Variants in CHCHD6 observed in about 807,000 individuals in gnomAD.
The protein encoded by CHCHD6 is coiled-coil-helix-coiled-coil-helix domain containing 6.
In CHCHD6, 28 loss-of-function variants were observed where a neutral mutation model predicts 32.3. The observed-to-expected ratio is 0.87, with a 90% CI of 0.64 to 1.19. The LOEUF is 1.19. Among genes scored for constraint, CHCHD6 ranks in the 50% most tolerant of loss-of-function variants. The pLI is 0.00. For synonymous variants in CHCHD6, 122 were observed against 117.5 expected (o/e 1.04, Z -0.25); for missense variants, 333 against 307.0 (o/e 1.08, Z -0.63).
chr3:126,953,778 G>A (rs1209690019), intron 6 of CHCHD6, among the ~76,000 whole-genome samples: 1 of 152,156 alleles, frequency 6.6e-6, no homozygotes, highest in Non-Finnish European at 1.5e-5. Flanking sequence ...ATTCTCCAAG[G>A]AAATGTCCTT....
intron 4 of CHCHD6, among the ~76,000 whole-genome samples, chr3:126,734,986 G>T (rs1935978227): frequency 6.6e-6 from 1 of 152,220 alleles, no homozygotes; most frequent in South Asian, 2.1e-4. Context: ...ATCCTGGTGA[G>T]GAATCGGTTG....
intron 6 of CHCHD6, among the ~76,000 whole-genome samples, chr3:126,922,696 T>G (rs2078269487): frequency 6.6e-6 from 1 of 151,484 alleles, no homozygotes; most frequent in Non-Finnish European, 1.5e-5. Flanking sequence ...TATGCAGGCA[T>G]TGACTCCCGT....
rs188335469 is a variant in CHCHD6, at chr3:126,805,607, G to A, written c.412-47040G>A. Among the ~76,000 whole-genome samples, 75 of 152,174 alleles carry A rather than the reference G, an allele frequency of 4.9e-4. 2 individuals carry two copies. The East Asian group carries it at 0.012, about 23-fold the overall frequency. On this transcript the variant is annotated intron_variant, in intron 4 of 7. Transcript: ENST00000290913. ...CTCATGGATAGGAAGAATCAATATCGTGAAAATGGCCATACTGCCCAAGGT... is the reference window on the plus strand; with the variant it reads ...CTCATGGATAGGAAGAATCAATATCATGAAAATGGCCATACTGCCCAAGGT...
intron 6 of CHCHD6, among the ~76,000 whole-genome samples, chr3:126,942,396 A>G (rs61505350): frequency 0.057 from 8,646 of 152,218 alleles, 777 homozygotes; most frequent in African/African-American, 0.19. Flanking sequence ...GTGATGATCT[A>G]TTTCCATCAT....
Position 126,763,297 on chromosome 3 carries a change from T to A in CHCHD6, c.411+30075T>A, listed in dbSNP as rs367682180. 3.8e-5 allele frequency among the ~76,000 whole-genome samples: 5 copies of A among 132,114 alleles called. No individual in the cohort carries two copies. In the South Asian group the frequency reaches 1.8e-3, roughly 49 times the overall value. 86.7% of individuals were successfully genotyped at this position (132,114 alleles called of 152,430 possible). ...CCTCCCTTTCCCTCTTCTCCCTTTT[T>A]CCCCCTCTTCTCCCCTTTTTCCCCC... On this transcript the variant is annotated intron_variant, in intron 4 of 7. Coordinates refer to ENST00000290913, the MANE Select transcript of CHCHD6 (RefSeq NM_032343.3).
At chr3:126,909,297 C>T (rs1172480105) in intron 5 of CHCHD6, among the ~76,000 whole-genome samples, 1 of 152,224 alleles carries the variant, frequency 6.6e-6, no homozygotes, top group Non-Finnish European at 1.5e-5. Context: ...TATGGGGGTT[C>T]CCCTCAGACC....
chr3:126,789,290 T>C (rs200439984), intron 4 of CHCHD6, among the ~76,000 whole-genome samples: 3,222 of 152,318 alleles, frequency 0.021, 96 homozygotes, highest in East Asian at 0.14. Context: ...GAGAAGAATG[T>C]ATATTCTGTT....
At chr3:126,863,441 C>T (rs1212630336) in intron 5 of CHCHD6, among the ~76,000 whole-genome samples, 7 of 142,546 alleles carry the variant, frequency 4.9e-5, no homozygotes, top group African/African-American at 1.8e-4. Flanking sequence ...TCCACCATCA[C>T]CTCCTCCTCC....
rs1175218869 is a variant in CHCHD6, at chr3:126,752,778, TCTC to T, written c.411+19563_411+19565del. ...AGGGCCCGCTTTTCTCTCACCCTGT[TCTC>T]CTCCTCATCCAGAAAGTTACTGATG... On this transcript the variant is annotated intron_variant, in intron 4 of 7. Transcript: ENST00000290913. Among the ~76,000 whole-genome samples, 4 of 152,238 alleles carry T rather than the reference TCTC, an allele frequency of 2.6e-5. No homozygotes were observed. In the East Asian group the frequency reaches 5.8e-4, roughly 22 times the overall value.
intron 1 of CHCHD6, among the ~76,000 whole-genome samples, chr3:126,710,419 G>T (rs1292484479): frequency 6.6e-6 from 1 of 152,046 alleles, no homozygotes; most frequent in Non-Finnish European, 1.5e-5. Flanking sequence ...TCTGTTCTGG[G>T]TCCTTTGCAT....
At chr3:126,934,792 G>T (rs1284181080) in intron 6 of CHCHD6, among the ~76,000 whole-genome samples, 1 of 151,878 alleles carries the variant, frequency 6.6e-6, no homozygotes, top group Non-Finnish European at 1.5e-5. Flanking sequence ...CTCATGATCC[G>T]CCCGCCTCGG....
chr3:126,741,235 G>A lies in CHCHD6; in HGVS notation c.411+8013G>A, dbSNP rs561180952. Among the ~76,000 whole-genome samples the A allele has an allele frequency of 9.9e-5, 15 of 152,258 alleles. No individual in the cohort carries two copies. The East Asian group carries it at 1.9e-3, about 20-fold the overall frequency. ...CTTACCTGCAAGGTGAGGGGCAGGC[G>A]GTGCTGTGCGCCGTTGGGAAAGTTA... is the stretch of plus-strand genomic sequence containing the variant. On this transcript the variant is annotated intron_variant, in intron 4 of 7. Transcript: ENST00000290913.
rs566345015 is a variant in CHCHD6 at position 126,808,011 on chromosome 3, AAAC to A, written c.412-44628_412-44626del. ...GTCAGGCCCTGTGTTTCCTGGCTTAAAACAACAACATTTATGTCTCACAGTTTT... is the reference window on the plus strand; with the variant it reads ...GTCAGGCCCTGTGTTTCCTGGCTTAAAACAACATTTATGTCTCACAGTTTT... On this transcript the variant is annotated intron_variant, in intron 4 of 7. Coordinates refer to ENST00000290913, the MANE Select transcript of CHCHD6 (RefSeq NM_032343.3). 4.5e-4 allele frequency among the ~76,000 whole-genome samples: 68 copies of A among 152,350 alleles called. No homozygotes were observed. The East Asian group carries it at 0.011, about 25-fold the overall frequency.
At position 126,870,591 on chromosome 3, in the gene CHCHD6, C is replaced by T. The variant is rs186475666; in HGVS notation, c.495+17861C>T. Among the ~76,000 whole-genome samples the T allele has an allele frequency of 3.9e-5, 6 of 152,326 alleles. No homozygotes were observed. In the East Asian group the frequency reaches 1.2e-3, roughly 29 times the overall value. On this transcript the variant is annotated intron_variant, in intron 5 of 7. Transcript: ENST00000290913. ...TGAGGGACTGTCTTCCACAGCACAT[C>T]CTGGGGCTTCCAGTCCTTAGCGTGG...
intron 4 of CHCHD6, among the ~76,000 whole-genome samples, chr3:126,823,964 A>G (rs1388168058): frequency 6.6e-6 from 1 of 152,114 alleles, no homozygotes; most frequent in African/African-American, 2.4e-5. Flanking sequence ...AGTCCCAGCT[A>G]CTCAGGGTGC....
intron 4 of CHCHD6, among the ~76,000 whole-genome samples, chr3:126,769,718 C>T (rs1396417749): frequency 6.6e-6 from 1 of 152,124 alleles, no homozygotes; most frequent in Non-Finnish European, 1.5e-5. Context: ...GTTGGCCAGG[C>T]TAGTCTTGAA....
Position 126,828,452 on chromosome 3 carries a change from G to A in CHCHD6, c.412-24195G>A, listed in dbSNP as rs568434103. 2.1e-4 allele frequency among the ~76,000 whole-genome samples: 32 copies of A among 152,334 alleles called. 1 individual carries two copies. The South Asian group carries it at 6.6e-3, about 32-fold the overall frequency. ...TCAGCTCTGGCTAACTTAAGTAAAA[G>A]GGAGTGTGTGAGGGAACACGGGAGG... On this transcript the variant is annotated intron_variant, in intron 4 of 7. Coordinates refer to ENST00000290913, the MANE Select transcript of CHCHD6 (RefSeq NM_032343.3).
intron 4 of CHCHD6, among the ~76,000 whole-genome samples, chr3:126,749,396 G>C (rs1174889814): frequency 6.6e-6 from 1 of 152,176 alleles, no homozygotes; most frequent in African/African-American, 2.4e-5. Flanking sequence ...GATGGGGGCT[G>C]TGGGGTGAGA....
At chr3:126,738,450 G>A (rs776726341) in intron 4 of CHCHD6, among the ~76,000 whole-genome samples, 2 of 152,156 alleles carry the variant, frequency 1.3e-5, no homozygotes, top group African/African-American at 2.4e-5. Flanking sequence ...ATTGATTTTG[G>A]TTTTACTACA....
Sources: allele counts gnomAD v4.1 joint callset (sites outside exome capture counted in the v4.1 genomes callset), GRCh38; gene constraint gnomAD v4.1.1; transcripts MANE v1.5; gene names NCBI Gene and HGNC (gene_info 2026-07-23, HGNC 2026-07-21).